The following GRM7 variants were observed in gnomAD, a reference collection of about 807,000 sequenced individuals.
The protein encoded by GRM7 is glutamate metabotropic receptor 7.
GRM7 carries 35 observed loss-of-function variants against 84.5 expected under a neutral mutation model. The observed-to-expected ratio is 0.41, with a 90% CI of 0.32 to 0.55. The LOEUF is 0.55. Ranked by LOEUF, GRM7 falls within the 20% of genes least tolerant of loss-of-function variation. The pLI is 0.19. For synonymous variants in GRM7, 487 were observed against 455.1 expected, an observed-to-expected ratio of 1.07 and a Z score of -0.89; for missense variants, 1,003 against 1,194.6, an observed-to-expected ratio of 0.84 and a Z score of 2.36.
At chr3:7,591,628 A>C (rs552984545) in intron 8 of GRM7, 1 of 341,108 alleles carries the variant, frequency 2.9e-6, no homozygotes, top group Non-Finnish European at 5.7e-6. Flanking sequence ...GTGACAGTGC[A>C]TTATAGAACT....
intron 1 of GRM7, among the ~76,000 whole-genome samples, chr3:7,024,294 G>T (rs1178184843): frequency 6.6e-6 from 1 of 152,084 alleles, no homozygotes; most frequent in East Asian, 1.9e-4. Context: ...AAGAGGGAGG[G>T]GTAATATATG....
intron 8 of GRM7, among the ~76,000 whole-genome samples, chr3:7,652,393 C>A (rs948594370): frequency 1.3e-5 from 2 of 152,164 alleles, no homozygotes; most frequent in African/African-American, 4.8e-5. Context: ...GGGTTTAGAG[C>A]AGTACCCGGC....
chr3:7,394,457 C>G (rs1189051906), intron 4 of GRM7, among the ~76,000 whole-genome samples: 1 of 152,146 alleles, frequency 6.6e-6, no homozygotes, highest in African/African-American at 2.4e-5. Flanking sequence ...AGAGAAACTT[C>G]ATGTCACCTT....
At chr3:7,398,676 G>A (rs916815619) in intron 4 of GRM7, among the ~76,000 whole-genome samples, 3 of 151,970 alleles carry the variant, frequency 2.0e-5, no homozygotes, top group Admixed American at 1.3e-4. Context: ...TTTTTGTGTC[G>A]GTGTTGGGGG....
chr3:7,033,695 A>G (rs1434747079), intron 1 of GRM7, among the ~76,000 whole-genome samples: 1 of 152,148 alleles, frequency 6.6e-6, no homozygotes, highest in Non-Finnish European at 1.5e-5. Context: ...TGCCTAAAAA[A>G]CAATAAGCAG....
intron 1 of GRM7, among the ~76,000 whole-genome samples, chr3:7,104,830 A>G (rs773178753): frequency 7.9e-5 from 12 of 151,896 alleles, no homozygotes; most frequent in Non-Finnish European, 1.3e-4. Context: ...ACAATGATAC[A>G]TAGATAAAAA....
intron 4 of GRM7, among the ~76,000 whole-genome samples, chr3:7,332,629 A>T (rs1286107231): frequency 6.6e-6 from 1 of 152,196 alleles, no homozygotes; most frequent in Non-Finnish European, 1.5e-5. Flanking sequence ...TAGGAGTAAC[A>T]TGCAGCTCCC....
intron 7 of GRM7, among the ~76,000 whole-genome samples, chr3:7,493,480 A>G (rs2124953749): frequency 6.6e-6 from 1 of 152,048 alleles, no homozygotes; most frequent in Admixed American, 6.6e-5. Flanking sequence ...AAATATTAAT[A>G]TAGCCACTCT....
rs1415270601 is a variant in GRM7 at position 7,520,697 on chromosome 3, C to T, written c.1516-57725C>T. Among the ~76,000 whole-genome samples, 3 of 152,108 alleles carry T rather than the reference C, an allele frequency of 2.0e-5. No individual in the cohort carries two copies. The East Asian group carries it at 5.8e-4, about 29-fold the overall frequency. On this transcript the variant is annotated intron_variant, in intron 7 of 9. Transcript: ENST00000357716. ...ATTCACACTGTGCCCTTGTTTAAGA[C>T]TCATAATGTTGTTACACAGACAACT...
intron 7 of GRM7, among the ~76,000 whole-genome samples, chr3:7,544,987 C>T (rs1368137135): frequency 6.6e-6 from 1 of 152,186 alleles, no homozygotes; most frequent in Non-Finnish European, 1.5e-5. Flanking sequence ...TATATGTCAA[C>T]AGGAAATATG....
At chr3:7,232,756 G>A (rs1201454012) in intron 2 of GRM7, among the ~76,000 whole-genome samples, 1 of 152,116 alleles carries the variant, frequency 6.6e-6, no homozygotes, top group East Asian at 1.9e-4. Context: ...GCAATATCTT[G>A]CAGATGAAGT....
intron 9 of GRM7, among the ~76,000 whole-genome samples, chr3:7,730,760 T>G (rs78758729): frequency 0.011 from 1,675 of 152,314 alleles, 43 homozygotes; most frequent in African/African-American, 0.039. Flanking sequence ...GCTTCGATCT[T>G]TGATGTATGA....
chr3:7,353,552 C>T (rs775074719), intron 4 of GRM7, among the ~76,000 whole-genome samples: 2 of 152,004 alleles, frequency 1.3e-5, no homozygotes, highest in Non-Finnish European at 2.9e-5. Context: ...AAGGGATTCA[C>T]GGGCTTAAGA....
intron 8 of GRM7, among the ~76,000 whole-genome samples, chr3:7,641,821 T>C (rs1025578848): frequency 1.3e-5 from 2 of 152,156 alleles, no homozygotes; most frequent in African/African-American, 4.8e-5. Flanking sequence ...TAATGTCTAA[T>C]ACATAAGAAA....
At chr3:7,289,924 G>A (rs925774772) in intron 2 of GRM7, among the ~76,000 whole-genome samples, 9 of 151,200 alleles carry the variant, frequency 6.0e-5, no homozygotes, top group African/African-American at 2.2e-4. Context: ...GAGTTAATGG[G>A]TGCAGCACAC....
intron 9 of GRM7, among the ~76,000 whole-genome samples, chr3:7,697,249 C>G (rs1273989074): frequency 1.3e-5 from 2 of 152,136 alleles, no homozygotes; most frequent in Admixed American, 1.3e-4. Flanking sequence ...CATCAATTAA[C>G]TATTGTAATC....
intron 7 of GRM7, among the ~76,000 whole-genome samples, chr3:7,526,865 A>T (rs918103766): frequency 2.6e-5 from 4 of 151,670 alleles, no homozygotes; most frequent in African/African-American, 9.7e-5. Context: ...TGAGTTTTCT[A>T]TATTGTTTTA....
intron 1 of GRM7, among the ~76,000 whole-genome samples, chr3:6,895,818 C>T (rs1696158396): frequency 6.6e-6 from 1 of 152,078 alleles, no homozygotes; most frequent in African/African-American, 2.4e-5. Flanking sequence ...ATGATTACAA[C>T]AACTGAATGG....
At chr3:7,256,671 C>T (rs1698215938) in intron 2 of GRM7, among the ~76,000 whole-genome samples, 3 of 151,968 alleles carry the variant, frequency 2.0e-5, no homozygotes, top group African/African-American at 7.3e-5. Context: ...AAAATGAGAC[C>T]AAGTCCCTAA....
Sources: gnomAD v4.1 joint callset for allele counts (sites outside exome capture counted in the v4.1 genomes callset) on GRCh38, gnomAD v4.1.1 for gene constraint, MANE v1.5 for transcripts, NCBI Gene and HGNC (gene_info 2026-07-23, HGNC 2026-07-21) for gene names.